MAPK10: variants seen among roughly 807,000 people sequenced by gnomAD.
MAPK10 encodes the protein JNK3 alpha protein kinase.
MAPK10 carries 25 observed loss-of-function variants against 59.3 expected under a neutral mutation model. The ratio of observed to expected loss-of-function variants is 0.42; its 90% CI spans 0.31 to 0.59. The LOEUF is 0.59. Among genes scored for constraint, MAPK10 ranks in the 20% least tolerant of loss-of-function variants. The pLI, the probability that MAPK10 is intolerant of heterozygous loss-of-function variation, is 0.15. For synonymous variants in MAPK10, 190 were observed against 200.5 expected (o/e 0.95, Z 0.44); for missense variants, 351 against 568.9 (o/e 0.62, Z 3.90).
intron 3 of MAPK10, among the ~76,000 whole-genome samples, chr4:86,180,550 C>T (rs1191925673): frequency 1.3e-5 from 2 of 151,144 alleles, no homozygotes; most frequent in African/African-American, 2.4e-5. Context: ...ATCTGCACCC[C>T]CATGTTTACT....
chr4:86,475,325 C>T (rs745433883), intron 1 of MAPK10, among the ~76,000 whole-genome samples: 37 of 152,170 alleles, frequency 2.4e-4, no homozygotes, highest in Non-Finnish European at 4.6e-4. Flanking sequence ...CCTACGACCT[C>T]GGGTCCTCAG....
At chr4:86,426,159 T>G (rs987654655) in intron 1 of MAPK10, among the ~76,000 whole-genome samples, 5 of 152,212 alleles carry the variant, frequency 3.3e-5, no homozygotes, top group African/African-American at 7.2e-5. Context: ...CACTTTACAG[T>G]ATGCTATATT....
chr4:86,238,175 T>C (rs1246230832), intron 2 of MAPK10, among the ~76,000 whole-genome samples: 1 of 152,188 alleles, frequency 6.6e-6, no homozygotes. Flanking sequence ...TGTTATTTTC[T>C]GAAGTCTCTG....
chr4:86,307,291 T>G (rs1277569953), intron 2 of MAPK10, among the ~76,000 whole-genome samples: 1 of 152,178 alleles, frequency 6.6e-6, no homozygotes, highest in Non-Finnish European at 1.5e-5. Context: ...AAGGCAGATC[T>G]TAGAGCCTTT....
chr4:86,568,686 C>T (rs1282343878), intron 1 of MAPK10, among the ~76,000 whole-genome samples: 2 of 152,056 alleles, frequency 1.3e-5, no homozygotes, highest in Admixed American at 6.6e-5. Flanking sequence ...CAAAAATATA[C>T]ACTGGGGAAA....
chr4:86,089,433 GA>G (rs1359850290), intron 9 of MAPK10: 1 of 577,520 alleles, frequency 1.7e-6, no homozygotes, highest in Non-Finnish European at 3.1e-6. Flanking sequence ...TTAAATGGTG[GA>G]AAGGGGAGAA....
chr4:86,509,814 A>C (rs533896521), intron 1 of MAPK10, among the ~76,000 whole-genome samples: 1 of 152,344 alleles, frequency 6.6e-6, no homozygotes, highest in South Asian at 2.1e-4. Flanking sequence ...ATTTGGGTCC[A>C]ACTATTTTTT....
At chr4:86,324,243 C>T (rs550642742) in intron 2 of MAPK10, among the ~76,000 whole-genome samples, 2 of 152,128 alleles carry the variant, frequency 1.3e-5, no homozygotes, top group East Asian at 3.9e-4. Flanking sequence ...CTCCTCTCTA[C>T]TAAAATGAAA....
chr4:86,228,192 T>C (rs965782733), intron 2 of MAPK10, among the ~76,000 whole-genome samples: 1 of 152,164 alleles, frequency 6.6e-6, no homozygotes, highest in Non-Finnish European at 1.5e-5. Context: ...GGCAGGAGAA[T>C]ATTAGGTTGA....
intron 9 of MAPK10, among the ~76,000 whole-genome samples, chr4:86,076,254 G>A (rs1326266146): frequency 5.3e-5 from 8 of 152,146 alleles, no homozygotes; most frequent in East Asian, 1.9e-4. Context: ...GCTTCGGCTC[G>A]CGCACGGTGC....
chr4:86,448,999 C>T (rs1046668247), intron 1 of MAPK10, among the ~76,000 whole-genome samples: 2 of 152,038 alleles, frequency 1.3e-5, no homozygotes, highest in Non-Finnish European at 2.9e-5. Flanking sequence ...AATCTAATGC[C>T]GCTGCTGATC....
intron 2 of MAPK10, among the ~76,000 whole-genome samples, chr4:86,246,882 A>G (rs189156424): frequency 7.3e-4 from 111 of 152,280 alleles, no homozygotes; most frequent in African/African-American, 1.8e-3. Context: ...TTAGTAGCCA[A>G]TCATATCATC....
chr4:86,286,420 T>C (rs957803442), intron 2 of MAPK10, among the ~76,000 whole-genome samples: 2 of 152,142 alleles, frequency 1.3e-5, no homozygotes, highest in African/African-American at 4.8e-5. Context: ...ATAGTAATGA[T>C]AATAATAATA....
intron 2 of MAPK10, among the ~76,000 whole-genome samples, chr4:86,298,983 A>C (rs2095420051): frequency 6.6e-6 from 1 of 152,178 alleles, no homozygotes; most frequent in Non-Finnish European, 1.5e-5. Flanking sequence ...GTGCTAATGT[A>C]ACCTCTAAAT....
chr4:86,515,788 G>T (rs1349709985), intron 1 of MAPK10, among the ~76,000 whole-genome samples: 4 of 151,668 alleles, frequency 2.6e-5, no homozygotes, highest in Non-Finnish European at 5.9e-5. Flanking sequence ...TCTGCGGGTT[G>T]TCTGTTTACT....
rs57390422 is a variant in MAPK10 at position 86,527,312 on chromosome 4, C to CAAAAAAAAAAAAAAAA, written c.-263+66582_-263+66597dup. Among the ~76,000 whole-genome samples, 52 of 16,192 alleles carry CAAAAAAAAAAAAAAAA rather than the reference C, an allele frequency of 3.2e-3. 9 individuals carry two copies. Among genetic ancestry groups the CAAAAAAAAAAAAAAAA allele is most frequent in the Non-Finnish European group, 6.2e-3 (44 of 7,140 alleles). 10.6% of individuals were successfully genotyped at this position (16,192 alleles called of 152,430 possible). A position where few individuals can be genotyped will look rare whatever the true frequency, so the allele number is the denominator to read the frequency against. ...GAGCAACAGAGTGAGACACTGTTGC[C>CAAAAAAAAAAAAAAAA]AAAAAAAAAAAAAAAAAAAAAAAAA... On this transcript the variant is annotated intron_variant, in intron 1 of 4. Coordinates refer to the MAPK10 transcript ENST00000502302.
rs552562953 is a variant in MAPK10 at position 86,396,193 on chromosome 4, A to G, written c.-121-41549T>C. ...AAAGCCCGTCTCTACTAAAAATACA[A>G]AAAATTAGCCAGGCCTGGTGGCGGG... On this transcript the variant is annotated intron_variant, in intron 1 of 13. Coordinates refer to the MAPK10 transcript ENST00000361569. Among the ~76,000 whole-genome samples the G allele has an allele frequency of 3.4e-3, 517 of 152,224 alleles. 3 individuals carry two copies. The highest frequency in any genetic ancestry group is 0.012 in the African/African-American group (490 of 41,544).
chr4:86,055,340 AATTTTTGTTTGAT>A (rs1200746246), intron 11 of MAPK10, among the ~76,000 whole-genome samples: 1 of 145,172 alleles, frequency 6.9e-6, no homozygotes, highest in African/African-American at 2.6e-5. Flanking sequence ...ACTTAGATAA[AATTTTTGTTTGAT>A]ATTCCTAAAA....
chr4:86,166,006 G>C (rs2071569870), intron 3 of MAPK10, among the ~76,000 whole-genome samples: 2 of 152,124 alleles, frequency 1.3e-5, no homozygotes, highest in African/African-American at 4.8e-5. Context: ...ATCAATAGTA[G>C]AGCTGGTATG....
Sources: gnomAD v4.1 joint callset for allele counts (sites outside exome capture counted in the v4.1 genomes callset) on GRCh38, gnomAD v4.1.1 for gene constraint, MANE v1.5 for transcripts, NCBI Gene and HGNC (gene_info 2026-07-23, HGNC 2026-07-21) for gene names.